Variants in CORO2A observed in about 807,000 individuals in gnomAD.
CORO2A encodes the protein coronin 2A, also known as coronin-2A.
Under a neutral mutation model 62.4 loss-of-function variants are expected in CORO2A, and 47 were observed. The ratio of observed to expected loss-of-function variants is 0.75; its 90% CI spans 0.60 to 0.96. CORO2A has a LOEUF of 0.96. CORO2A is among the 40% of genes least tolerant of loss of function. The pLI is 0.00. For missense variants in CORO2A, 610 were observed against 684.1 expected (o/e 0.89, Z 1.21); for synonymous variants, 273 against 268.9 (o/e 1.02, Z -0.15).
At chr9:98,139,813 C>A (rs1284096399) in intron 2 of CORO2A, among the ~76,000 whole-genome samples, 3 of 152,100 alleles carry the variant, frequency 2.0e-5, no homozygotes, top group African/African-American at 7.2e-5. Context: ...AAACAAAACA[C>A]GGTGAATTTT....
chr9:98,187,721 CTCT>C (rs764708213), intron 1 of CORO2A, among the ~76,000 whole-genome samples: 18 of 152,266 alleles, frequency 1.2e-4, no homozygotes, highest in Non-Finnish European at 2.2e-4. Context: ...AAAGCCCCAC[CTCT>C]TAATACCATC....
chr9:98,147,131 C>T (rs1314672222), intron 2 of CORO2A, among the ~76,000 whole-genome samples: 3 of 151,912 alleles, frequency 2.0e-5, no homozygotes, highest in East Asian at 3.9e-4. Flanking sequence ...TAAAAAGAAA[C>T]ATCAATCAAA....
chr9:98,187,949 T>C (rs1828259469), intron 1 of CORO2A, among the ~76,000 whole-genome samples: 1 of 152,208 alleles, frequency 6.6e-6, no homozygotes, highest in African/African-American at 2.4e-5. Context: ...GTATTTTTGT[T>C]TTCTTAATTG....
intron 1 of CORO2A, among the ~76,000 whole-genome samples, chr9:98,164,709 G>GT (rs1827935412): frequency 6.6e-6 from 1 of 152,236 alleles, no homozygotes; most frequent in African/African-American, 2.4e-5. Flanking sequence ...AAGGTCTGAA[G>GT]TGATACAGTG....
chr9:98,148,907 TG>T (rs1784297686), intron 2 of CORO2A, among the ~76,000 whole-genome samples: 1 of 152,138 alleles, frequency 6.6e-6, no homozygotes, highest in Admixed American at 6.5e-5. Flanking sequence ...GGTTACATAT[TG>T]TATGATTCCA....
intron 2 of CORO2A, 46 bp downstream of exon 2, chr9:98,157,414 C>T: frequency 6.3e-7 from 1 of 1,585,900 alleles, no homozygotes; most frequent in South Asian, 1.1e-5. Context: ...TTCCCTCTGT[C>T]CTGCCCTGCC....
intron 1 of CORO2A, among the ~76,000 whole-genome samples, chr9:98,167,250 A>G (rs1180964334): frequency 6.6e-6 from 1 of 152,206 alleles, no homozygotes; most frequent in Non-Finnish European, 1.5e-5. Context: ...AGTTACTTTG[A>G]GTAGGCAAAA....
intron 2 of CORO2A, among the ~76,000 whole-genome samples, chr9:98,152,386 C>T (rs532437873): frequency 6.6e-6 from 1 of 151,852 alleles, no homozygotes; most frequent in East Asian, 1.9e-4. Flanking sequence ...AACTCCTGGG[C>T]TCAAGGCAGC....
chr9:98,128,093 C>G, intron 10 of CORO2A, 77 bp downstream of exon 10: 1 of 1,195,106 alleles, frequency 8.4e-7, no homozygotes, highest in African/African-American at 1.5e-5. Context: ...AGGCCCAACC[C>G]CTCTCAATTG....
chr9:98,188,267 GCC>G (rs1412456506), intron 1 of CORO2A, among the ~76,000 whole-genome samples: 2 of 151,974 alleles, frequency 1.3e-5, no homozygotes, highest in South Asian at 2.1e-4. Context: ...AGTTAAAACT[GCC>G]CCCTCACACA....
At chr9:98,125,145 A>G (rs962374048) in intron 11 of CORO2A, among the ~76,000 whole-genome samples, 1 of 152,228 alleles carries the variant, frequency 6.6e-6, no homozygotes, top group Non-Finnish European at 1.5e-5. Flanking sequence ...CCTCCATGAA[A>G]TAGAGGAAAG....
chr9:98,173,199 G>A (rs149692687), intron 1 of CORO2A, among the ~76,000 whole-genome samples: 1,639 of 152,222 alleles, frequency 0.011, 19 homozygotes, highest in Non-Finnish European at 0.016. Context: ...TTTCTGATTC[G>A]GCAGCGTGGG....
chr9:98,131,090 G>A (rs1481538461), intron 6 of CORO2A, 31 bp from the exon 7 acceptor site: 2 of 1,532,002 alleles, frequency 1.3e-6, no homozygotes, highest in South Asian at 2.3e-5. Context: ...GGGAAGGCCT[G>A]GGTCACTCCT....
At chr9:98,132,979 TGTCC>T (rs1039361380) in intron 5 of CORO2A, 55 bp downstream of exon 5, 2 of 1,584,862 alleles carry the variant, frequency 1.3e-6, no homozygotes, top group African/African-American at 1.3e-5. Context: ...AGCCTCTCTC[TGTCC>T]CCACTCTGCT....
chr9:98,182,745 A>T (rs1828193205), intron 1 of CORO2A, among the ~76,000 whole-genome samples: 1 of 152,214 alleles, frequency 6.6e-6, no homozygotes, highest in Non-Finnish European at 1.5e-5. Flanking sequence ...CTACAATGCG[A>T]TGGTGAAGAT....
intron 10 of CORO2A, 48 bp downstream of exon 10, chr9:98,128,122 G>A (rs373658313): frequency 5.5e-5 from 82 of 1,492,820 alleles, no homozygotes; most frequent in East Asian, 4.5e-4. Flanking sequence ...CACTGGGCAC[G>A]CCATGTTCCT....
intron 1 of CORO2A, among the ~76,000 whole-genome samples, chr9:98,169,969 T>G (rs1348969324): frequency 6.6e-6 from 1 of 152,064 alleles, no homozygotes; most frequent in Non-Finnish European, 1.5e-5. Flanking sequence ...ATCCTGACAT[T>G]TGGGGAGGTA....
At chr9:98,133,388 T>G (rs76378338) in intron 4 of CORO2A, among the ~76,000 whole-genome samples, 171 bp from the exon 5 acceptor site, 12,837 of 152,182 alleles carry the variant, frequency 0.084, 706 homozygotes, top group Non-Finnish European at 0.12. Context: ...AAGCTGCTTG[T>G]GGCAGGAGGG....
At position 98,128,617 on chromosome 9, in the gene CORO2A, A is replaced by G; in HGVS notation, c.1070T>C (p.Val357Ala). The G allele has an allele frequency of 6.2e-7, 1 of 1,614,176 alleles. No homozygotes were observed. The highest frequency in any genetic ancestry group is 1.1e-5 in the South Asian group (1 of 91,082). ...CCCGACTGCCCTTACCCGCCGGGGCACAATCATGGAGATGGGCTCGATGAG... is the reference window on the plus strand; with the variant it reads ...CCCGACTGCCCTTACCCGCCGGGGCGCAATCATGGAGATGGGCTCGATGAG... ...KSLIEPISMI[V>A]PRRSESYQED... The change falls in exon 9 of 12, where the codon GTG (valine) becomes GCG (alanine). Residue 357 changes from valine to alanine, a missense_variant. Val to Ala is a moderately conservative substitution (Grantham distance 64). Transcript: ENST00000375077.
Sources: allele counts gnomAD v4.1 joint callset (sites outside exome capture counted in the v4.1 genomes callset), GRCh38; gene constraint gnomAD v4.1.1; transcripts MANE v1.5; gene names NCBI Gene and HGNC (gene_info 2026-07-23, HGNC 2026-07-21).